Variants in DNAH7 observed in about 807,000 individuals in gnomAD.
DNAH7 encodes the protein axonemal beta dynein heavy chain 7.
A neutral mutation model predicts 444.6 loss-of-function variants in DNAH7; 397 were observed. The observed-to-expected ratio is 0.89, with a 90% confidence interval of 0.82 to 0.97. The LOEUF is 0.97. Ranked by LOEUF, DNAH7 falls within the 50% of genes least tolerant of loss-of-function variation. The probability of loss-of-function intolerance (pLI) is 0.00; values close to 1 mark genes in which losing one functional copy is unlikely to be tolerated. For synonymous variants in DNAH7, 1,636 were observed against 1,624.4 expected (o/e 1.01, Z -0.17); for missense variants, 4,902 against 4,800.8 (o/e 1.02, Z -0.62).
intron 19 of DNAH7, among the ~76,000 whole-genome samples, chr2:195,950,851 C>CAAAAAAAAAAAAAAAAAAAAA (rs67782183): frequency 8.2e-5 from 3 of 36,716 alleles, no homozygotes; most frequent in African/African-American, 2.9e-4. Flanking sequence ...GACTCTGTCT[C>CAAAAAAAAAAAAAAAAAAAAA]AAAAAAAAAA....
At chr2:195,824,986 T>C (rs75472409) in intron 48 of DNAH7, 1 of 152,138 alleles carries the variant, frequency 6.6e-6, no homozygotes, top group African/African-American at 2.4e-5. Context: ...GATAGAAAAA[T>C]GACACAAAGG....
intron 41 of DNAH7, among the ~76,000 whole-genome samples, chr2:195,863,002 C>T (rs1334311344): frequency 2.0e-5 from 3 of 152,310 alleles, no homozygotes; most frequent in Admixed American, 1.3e-4. Flanking sequence ...TACCACTGCA[C>T]TCCAGCCAGG....
intron 19 of DNAH7, among the ~76,000 whole-genome samples, chr2:195,947,105 AAT>A (rs987388682): frequency 4.7e-5 from 7 of 147,900 alleles, no homozygotes; most frequent in African/African-American, 1.7e-4. Context: ...ATATAATTAT[AAT>A]ATATATAATT....
At chr2:196,051,361 T>A in intron 2 of DNAH7, 112 bp from the exon 3 acceptor site, 1 of 802,776 alleles carries the variant, frequency 1.2e-6, no homozygotes, top group Non-Finnish European at 2.1e-6. Context: ...TTATCCAACA[T>A]ATTCAAAGAT....
chr2:196,019,189 A>G lies in DNAH7; in HGVS notation c.850T>C (p.Leu284=). 1 of 1,492,028 alleles carries G rather than the reference A, an allele frequency of 6.7e-7. No homozygotes were observed. The highest frequency in any genetic ancestry group is 9.0e-7 in the Non-Finnish European group (1 of 1,108,494). The allele number at this position is 1,492,028 out of a possible 1,614,324, so 92.4% of individuals were successfully genotyped here. Residue 284 remains leucine, a synonymous_variant, in exon 9 of 65, where the codon TTG becomes CTG. Coordinates refer to ENST00000312428, the MANE Select transcript of DNAH7 (RefSeq NM_018897.3). The part of the protein sequence containing the change: ...MNPTMLAVLD[L]WHTNFKKLRL... ...ACTCACTTAAAATTAGTGTGCCACA[A>G]ATCTAGTACAGCCAGCATTGTGGGG...
chr2:196,014,027 T>C (rs115350448), intron 9 of DNAH7, among the ~76,000 whole-genome samples: 2,732 of 152,306 alleles, frequency 0.018, 77 homozygotes, highest in African/African-American at 0.062. Flanking sequence ...AGGCATAGAA[T>C]ACCATCTTTG....
In DNAH7 at chr2:195,900,379, G is replaced by A. The variant is rs752831048; in HGVS notation, c.4451C>T (p.Thr1484Met). 3.8e-5 allele frequency: 62 copies of A among 1,613,862 alleles called. No individual in the cohort carries two copies. The highest frequency in any genetic ancestry group is 1.7e-4 in the Admixed American group (10 of 59,992). The change falls in exon 28 of 65, where the codon ACG (threonine) becomes ATG (methionine). Residue 1484 changes from threonine (T) to methionine (M), a missense_variant. Transcript: ENST00000312428. ...ARPLSVKIVA[T>M]YRLCSEQLSS... is the part of the protein sequence containing the mutation. ...CAGCTGCTCTGAACACAAGCGATAC[G>A]TAGCCACAATTTTTACAGACAGTGG...
At position 195,787,153 on chromosome 2, in the gene DNAH7, G is replaced by GCAATTT; in HGVS notation, c.10729_10734dup (p.Lys3577_Leu3578dup). The GCAATTT allele has an allele frequency of 6.3e-7, 1 of 1,599,618 alleles. No homozygotes were observed. Among genetic ancestry groups the GCAATTT allele is most frequent in the Non-Finnish European group, 8.5e-7 (1 of 1,176,114 alleles). Reference sequence around the variant, plus strand: ...GCATGAAAGAAACACAGGCCATAAAGCAATTTCTTGAATTCCTCCTGTAAT... The same window carrying GCAATTT: ...GCATGAAAGAAACACAGGCCATAAAGCAATTTCAATTTCTTGAATTCCTCCTGTAAT... On this transcript the variant is annotated inframe_insertion, in exon 58 of 65. Transcript: ENST00000312428.
chr2:195,927,498 G>C (rs1453604775), intron 21 of DNAH7, among the ~76,000 whole-genome samples: 1 of 151,202 alleles, frequency 6.6e-6, no homozygotes. Flanking sequence ...TGAGGGATGA[G>C]AGAAGCAAGT....
rs1700202696 is a variant in DNAH7, at chr2:195,864,497, T to C, written c.7158A>G (p.Lys2386=). 3.7e-6 allele frequency: 6 copies of C among 1,614,194 alleles called. No homozygotes were observed. Among genetic ancestry groups the C allele is most frequent in the Non-Finnish European group, 5.1e-6 (6 of 1,180,036 alleles). ...WHEDLKVILR[K]CAEGEMQGVF... ...CACCCTGCATCTCACCTTCCGCACA[T>C]TTCCTTAAGATCACTTTTAAATCTT... The change falls in exon 41 of 65, where the codon AAA becomes AAG. Residue 2386 remains lysine, a synonymous_variant. Transcript: ENST00000312428.
chr2:196,035,991 C>T (rs140291290), intron 5 of DNAH7, among the ~76,000 whole-genome samples: 1 of 150,764 alleles, frequency 6.6e-6, no homozygotes, highest in East Asian at 2.0e-4. Flanking sequence ...GGATTATATC[C>T]TGTCCTTGGT....
chr2:195,917,525 C>G (rs997558241), intron 24 of DNAH7, among the ~76,000 whole-genome samples: 5 of 152,204 alleles, frequency 3.3e-5, no homozygotes, highest in African/African-American at 1.2e-4. Context: ...CCACTTGGCC[C>G]TCTTCCAAGT....
chr2:195,898,044 G>A (rs1051080553), intron 28 of DNAH7, among the ~76,000 whole-genome samples: 1 of 152,078 alleles, frequency 6.6e-6, no homozygotes, highest in African/African-American at 2.4e-5. Context: ...ATATAGTTTG[G>A]CAGCTGCCAT....
chr2:195,824,553 T>C (rs1697627746), intron 48 of DNAH7, 108 bp from the exon 49 acceptor site: 5 of 920,162 alleles, frequency 5.4e-6, no homozygotes, highest in Admixed American at 3.1e-5. Context: ...ATTCTGTTCC[T>C]AGATACCTAC....
chr2:196,058,330 T>A (rs575002729), intron 1 of DNAH7, among the ~76,000 whole-genome samples: 1 of 152,080 alleles, frequency 6.6e-6, no homozygotes, highest in Admixed American at 6.6e-5. Flanking sequence ...TCCAGGTAGG[T>A]TGCAGGATAC....
At chr2:195,940,956 C>T (rs972259197) in intron 19 of DNAH7, among the ~76,000 whole-genome samples, 3 of 152,124 alleles carry the variant, frequency 2.0e-5, no homozygotes, top group Non-Finnish European at 2.9e-5. Context: ...TTGTGGAAGA[C>T]AGTGTGGCGA....
intron 57 of DNAH7, among the ~76,000 whole-genome samples, chr2:195,791,099 C>T (rs796326340): frequency 6.6e-6 from 1 of 152,218 alleles, no homozygotes; most frequent in South Asian, 2.1e-4. Flanking sequence ...AAGTGCTCCA[C>T]ATCACTAATC....
intron 61 of DNAH7, 63 bp from the exon 62 acceptor site, chr2:195,756,348 C>A (rs1694073493): frequency 7.5e-7 from 1 of 1,331,544 alleles, no homozygotes; most frequent in Admixed American, 2.4e-5. Context: ...TAAGCAACCA[C>A]CTTTTAAATA....
At chr2:195,870,983 C>G (rs1244426882) in intron 40 of DNAH7, among the ~76,000 whole-genome samples, 1 of 152,128 alleles carries the variant, frequency 6.6e-6, no homozygotes, top group Non-Finnish European at 1.5e-5. Context: ...CCATGTGGCC[C>G]CCAAACACAA....
Sources: gnomAD v4.1 joint callset for allele counts (sites outside exome capture counted in the v4.1 genomes callset) on GRCh38, gnomAD v4.1.1 for gene constraint, MANE v1.5 for transcripts, NCBI Gene and HGNC (gene_info 2026-07-23, HGNC 2026-07-21) for gene names.